The following NRG3 variants were observed in gnomAD, a reference collection of about 807,000 sequenced individuals.
The protein encoded by NRG3 is neuregulin 3.
NRG3 carries 31 observed loss-of-function variants against 66.9 expected under a neutral mutation model. That is an observed-to-expected ratio of 0.46 (90% CI 0.35 to 0.63). The LOEUF (loss-of-function observed/expected upper bound fraction) is 0.63. Ranked by LOEUF, NRG3 falls within the 20% of genes least tolerant of loss-of-function variation. The probability of loss-of-function intolerance (pLI) is 0.00; values close to 1 mark genes in which losing one functional copy is unlikely to be tolerated. For missense variants in NRG3, 910 were observed against 878.9 expected, an observed-to-expected ratio of 1.04 and a Z score of -0.45; for synonymous variants, 393 against 359.4, an observed-to-expected ratio of 1.09 and a Z score of -1.06.
At chr10:82,646,471 C>CT (rs2050940424) in intron 2 of NRG3, among the ~76,000 whole-genome samples, 1 of 152,126 alleles carries the variant, frequency 6.6e-6, no homozygotes, top group Non-Finnish European at 1.5e-5. Flanking sequence ...CATTCCTGTT[C>CT]TTTCTGCAAG....
At chr10:82,260,462 A>T (rs1483845074) in intron 1 of NRG3, among the ~76,000 whole-genome samples, 1 of 152,220 alleles carries the variant, frequency 6.6e-6, no homozygotes, top group Non-Finnish European at 1.5e-5. Context: ...AATCTCAATT[A>T]TATCTGGAAT....
At chr10:82,321,158 C>A (rs937692638) in intron 1 of NRG3, among the ~76,000 whole-genome samples, 2 of 152,302 alleles carry the variant, frequency 1.3e-5, no homozygotes, top group East Asian at 1.9e-4. Flanking sequence ...GGCACCCACC[C>A]CTAGATGCTA....
chr10:82,245,517 A>G (rs1456826519), intron 1 of NRG3, among the ~76,000 whole-genome samples: 1 of 152,202 alleles, frequency 6.6e-6, no homozygotes, highest in African/African-American at 2.4e-5. Context: ...GAAATTCCAC[A>G]CACACATGGA....
At chr10:82,004,729 G>A (rs1337815943) in intron 1 of NRG3, among the ~76,000 whole-genome samples, 1 of 152,112 alleles carries the variant, frequency 6.6e-6, no homozygotes, top group Non-Finnish European at 1.5e-5. Flanking sequence ...ACGTTAAGGT[G>A]GGCCCTAATC....
intron 1 of NRG3, among the ~76,000 whole-genome samples, chr10:82,275,036 G>A (rs1179774898): frequency 6.6e-6 from 1 of 151,962 alleles, no homozygotes; most frequent in East Asian, 1.9e-4. Context: ...CATCTAGAGT[G>A]TCATATGTAG....
At position 82,424,479 on chromosome 10, in the gene NRG3, A is replaced by G. The variant is rs1409430245; in HGVS notation, c.953+65611A>G. ...TTTTTCAAATTATTTTCCTATTTAA[A>G]AATTGGGTGATTTGTGTTTTTATCA... On this transcript the variant is annotated intron_variant, in intron 2 of 8. Coordinates refer to ENST00000372141, the MANE Select transcript of NRG3 (RefSeq NM_001010848.4). 2.0e-5 allele frequency among the ~76,000 whole-genome samples: 3 copies of G among 151,942 alleles called. No homozygotes were observed. In the East Asian group the frequency reaches 5.8e-4, roughly 29 times the overall value.
At chr10:82,943,207 G>A (rs147468717) in intron 4 of NRG3, among the ~76,000 whole-genome samples, 33 of 152,220 alleles carry the variant, frequency 2.2e-4, no homozygotes, top group African/African-American at 7.9e-4. Flanking sequence ...CACTTTGTTC[G>A]TGCTTATGTG....
intron 8 of NRG3, 37 bp from the exon 9 acceptor site, chr10:82,985,061 A>G (rs777984334): frequency 6.3e-7 from 1 of 1,596,188 alleles, no homozygotes; most frequent in Non-Finnish European, 8.5e-7. Context: ...AAAGCCTGGT[A>G]GAAAGCAGAA....
At chr10:82,491,485 G>C (rs902866484) in intron 2 of NRG3, among the ~76,000 whole-genome samples, 2 of 150,982 alleles carry the variant, frequency 1.3e-5, no homozygotes, top group African/African-American at 2.4e-5. Flanking sequence ...AGACATAATA[G>C]GTCCTCAAAA....
intron 1 of NRG3, among the ~76,000 whole-genome samples, chr10:82,188,610 A>G (rs1053387290): frequency 3.9e-5 from 6 of 152,166 alleles, no homozygotes; most frequent in African/African-American, 1.2e-4. Context: ...ATAGGAAAAA[A>G]TATCTAATAA....
chr10:82,856,266 G>T (rs2483295), intron 3 of NRG3, among the ~76,000 whole-genome samples: 1 of 151,834 alleles, frequency 6.6e-6, no homozygotes, highest in Admixed American at 6.6e-5. Context: ...GTGATAGGGT[G>T]GAGCAATGAA....
At chr10:82,097,659 C>A (rs758841040) in intron 1 of NRG3, among the ~76,000 whole-genome samples, 1 of 151,778 alleles carries the variant, frequency 6.6e-6, no homozygotes, top group Non-Finnish European at 1.5e-5. Flanking sequence ...TCATATGATA[C>A]ATGCATGTTT....
At chr10:82,056,089 A>T (rs886340453) in intron 1 of NRG3, among the ~76,000 whole-genome samples, 2 of 152,150 alleles carry the variant, frequency 1.3e-5, no homozygotes, top group African/African-American at 4.8e-5. Context: ...GTGCCTTTTA[A>T]AAAATTTTGT....
chr10:82,255,525 T>C (rs2077676642), intron 1 of NRG3, among the ~76,000 whole-genome samples: 1 of 152,202 alleles, frequency 6.6e-6, no homozygotes, highest in African/African-American at 2.4e-5. Context: ...TAGAGGAAAC[T>C]GGGTGTGGAG....
intron 1 of NRG3, among the ~76,000 whole-genome samples, chr10:81,967,612 A>G (rs1279189242): frequency 6.6e-6 from 1 of 151,056 alleles, no homozygotes; most frequent in Non-Finnish European, 1.5e-5. Context: ...TTAGAAAGTT[A>G]GATTATCCAA....
At chr10:82,339,492 C>T (rs76495430) in intron 1 of NRG3, among the ~76,000 whole-genome samples, 1,783 of 152,186 alleles carry the variant, frequency 0.012, 36 homozygotes, top group African/African-American at 0.04. Context: ...CTCACTATCA[C>T]GAGAACAGCA....
At chr10:82,947,180 AT>A in intron 4 of NRG3, among the ~76,000 whole-genome samples, 1 of 152,256 alleles carries the variant, frequency 6.6e-6, no homozygotes, top group South Asian at 2.1e-4. Context: ...ATTGTCTAGA[AT>A]TTTGAATAAG....
At chr10:82,830,903 G>A (rs917901543) in intron 3 of NRG3, among the ~76,000 whole-genome samples, 1 of 152,140 alleles carries the variant, frequency 6.6e-6, no homozygotes, top group African/African-American at 2.4e-5. Context: ...TTTCTGGCAC[G>A]ATTTACAAAT....
At chr10:82,212,132 A>G (rs1564668506) in intron 1 of NRG3, among the ~76,000 whole-genome samples, 1 of 152,184 alleles carries the variant, frequency 6.6e-6, no homozygotes, top group Non-Finnish European at 1.5e-5. Context: ...ATTTTATGTT[A>G]GTTTGAACCA....
Sources: gnomAD v4.1 joint callset for allele counts (sites outside exome capture counted in the v4.1 genomes callset) on GRCh38, gnomAD v4.1.1 for gene constraint, MANE v1.5 for transcripts, NCBI Gene and HGNC (gene_info 2026-07-23, HGNC 2026-07-21) for gene names.